The following SLC22A23 variants were observed in gnomAD, a reference collection of about 807,000 sequenced individuals.
The protein encoded by SLC22A23 is ion transporter protein.
SLC22A23 carries 26 observed loss-of-function variants against 61.0 expected under a neutral mutation model. The observed-to-expected ratio is 0.43, with a 90% CI of 0.31 to 0.59. SLC22A23 has a LOEUF of 0.59. SLC22A23 is among the 20% of genes least tolerant of loss of function. The probability of loss-of-function intolerance (pLI) is 0.11; values close to 1 mark genes in which losing one functional copy is unlikely to be tolerated. For missense variants in SLC22A23, 796 were observed against 934.7 expected (o/e 0.85, Z 1.94); for synonymous variants, 430 against 413.9 (o/e 1.04, Z -0.47).
At chr6:3,367,093 G>A (rs1765883928) in intron 3 of SLC22A23, among the ~76,000 whole-genome samples, 1 of 152,202 alleles carries the variant, frequency 6.6e-6, no homozygotes, top group African/African-American at 2.4e-5. Context: ...CTAAACATCT[G>A]CTAGCAAACC....
At chr6:3,280,718 G>C (rs1490900600) in intron 9 of SLC22A23, among the ~76,000 whole-genome samples, 19 of 151,888 alleles carry the variant, frequency 1.3e-4, no homozygotes, top group Non-Finnish European at 2.4e-4. Context: ...AGATCCTCTC[G>C]ATCTCCTGAC....
chr6:3,334,655 CA>C (rs1225058255), intron 3 of SLC22A23, among the ~76,000 whole-genome samples: 1 of 152,248 alleles, frequency 6.6e-6, no homozygotes, highest in Non-Finnish European at 1.5e-5. Context: ...TTGGCAGAGT[CA>C]AATGCTAGGC....
At chr6:3,323,771 G>A (rs946406285) in intron 4 of SLC22A23, 63 bp downstream of exon 4, 1 of 1,532,048 alleles carries the variant, frequency 6.5e-7, no homozygotes, top group Non-Finnish European at 8.8e-7. Flanking sequence ...CCTGCCCGGG[G>A]CCGGGCCTTC....
intron 1 of SLC22A23, among the ~76,000 whole-genome samples, chr6:3,429,861 C>T (rs1770744138): frequency 6.6e-6 from 1 of 152,046 alleles, no homozygotes; most frequent in African/African-American, 2.4e-5. Context: ...AATTCATAGA[C>T]ACAGAAAGTA....
chr6:3,379,933 C>T (rs1476814969), intron 3 of SLC22A23, among the ~76,000 whole-genome samples: 1 of 152,020 alleles, frequency 6.6e-6, no homozygotes, highest in African/African-American at 2.4e-5. Context: ...CAGTTTAAAT[C>T]TTTGGAGAGA....
In SLC22A23 at chr6:3,387,800, C is replaced by T. The variant is rs948838938; in HGVS notation, c.913+22388G>A. 2.0e-5 allele frequency among the ~76,000 whole-genome samples: 3 copies of T among 152,092 alleles called. No homozygotes were observed. The highest frequency in any genetic ancestry group is 6.5e-5 in the Admixed American group (1 of 15,270). ...ATGTATATTTCATTCAAAGAGTTAA[C>T]GAAACCCAAGAGTCGTGGGCTTCTC... is the stretch of plus-strand genomic sequence containing the variant. On this transcript the variant is annotated intron_variant, in intron 3 of 9. Coordinates refer to ENST00000406686, the MANE Select transcript of SLC22A23 (RefSeq NM_015482.2). This position sits in a 1 kb window ranked among gnomAD's most constrained non-coding sequence, Gnocchi z 5.0.
rs1159033721 is a variant in SLC22A23, at chr6:3,273,398, C to T, written c.1718G>A (p.Gly573Glu). The stretch of plus-strand genomic sequence containing the variant: ...GAAGCCCGCGCTGGCCAGCACCAGC[C>T]CCAGCCCGCCACACCTGCAGGGGGA... ...TPTVIRCGGL[G>E]LVLASAGFGM... The change falls in exon 10 of 10, where the codon GGG becomes GAG. Residue 573 changes from glycine (G) to glutamate (E), a missense_variant. Physicochemically the swap from Gly to Glu is moderately conservative, Grantham distance 98. Transcript: ENST00000406686. 6.2e-6 allele frequency: 10 copies of T among 1,612,180 alleles called. No homozygotes were observed. The highest frequency in any genetic ancestry group is 2.2e-5 in the East Asian group (1 of 44,890).
Position 3,328,723 on chromosome 6 carries a change from T to C in SLC22A23, c.914-4721A>G, listed in dbSNP as rs538323957. Among the ~76,000 whole-genome samples, 3 of 152,230 alleles carry C rather than the reference T, an allele frequency of 2.0e-5. No homozygotes were observed. Among genetic ancestry groups the C allele is most frequent in the Non-Finnish European group, 4.4e-5 (3 of 67,996 alleles). On this transcript the variant is annotated intron_variant, in intron 3 of 9. Coordinates refer to ENST00000406686, the MANE Select transcript of SLC22A23 (RefSeq NM_015482.2). This position sits in a 1 kb window ranked among gnomAD's most constrained non-coding sequence, Gnocchi z 5.0. ...CCCTCCCGCTGGCCCCTCATGGATG[T>C]CAGCCTGGCCACCCCTCACAGTCGT...
Position 3,450,584 on chromosome 6 carries a change from C to T in SLC22A23, c.654+5322G>A, listed in dbSNP as rs186027000. Reference sequence around the variant, plus strand: ...CCTCCCAAAGTGCTGGCATTACAGGCGTGAGCCACTGTGCCCGGCCGTCAG... The same window carrying T: ...CCTCCCAAAGTGCTGGCATTACAGGTGTGAGCCACTGTGCCCGGCCGTCAG... On this transcript the variant is annotated intron_variant, in intron 1 of 9. Coordinates refer to ENST00000406686, the MANE Select transcript of SLC22A23 (RefSeq NM_015482.2). Among the ~76,000 whole-genome samples, 442 of 152,324 alleles carry T rather than the reference C, an allele frequency of 2.9e-3. 1 individual carries two copies. Among genetic ancestry groups the T allele is most frequent in the African/African-American group, 0.01 (426 of 41,568 alleles).
chr6:3,323,068 C>T (rs1324740932), intron 4 of SLC22A23, among the ~76,000 whole-genome samples: 1 of 147,480 alleles, frequency 6.8e-6, no homozygotes, highest in Admixed American at 6.7e-5. Flanking sequence ...TTTTAAAAAA[C>T]CCAGTTGCCC....
At chr6:3,455,265 G>A (rs1561637273) in intron 1 of SLC22A23, among the ~76,000 whole-genome samples, 1 of 152,236 alleles carries the variant, frequency 6.6e-6, no homozygotes, top group South Asian at 2.1e-4. Flanking sequence ...CTGTGTAAGA[G>A]CGGTGACGGC....
At chr6:3,331,887 G>A (rs898041890) in intron 3 of SLC22A23, among the ~76,000 whole-genome samples, 1 of 152,216 alleles carries the variant, frequency 6.6e-6, no homozygotes, top group East Asian at 1.9e-4. Flanking sequence ...CTAACTGAAG[G>A]AGCAGAGACG....
chr6:3,298,255 G>C (rs373918337), intron 4 of SLC22A23, 37 bp from the exon 5 acceptor site: 1 of 1,569,988 alleles, frequency 6.4e-7, no homozygotes, highest in South Asian at 1.2e-5. Context: ...AATGTCTTCC[G>C]ATTCTGCACG....
intron 1 of SLC22A23, among the ~76,000 whole-genome samples, chr6:3,429,308 T>G (rs932643668): frequency 1.3e-5 from 2 of 152,222 alleles, no homozygotes; most frequent in Admixed American, 6.5e-5. Context: ...CAAGAGTTTA[T>G]AACTGCTAAT....
chr6:3,445,070 G>T, intron 1 of SLC22A23: 1 of 715,630 alleles, frequency 1.4e-6, no homozygotes, highest in Non-Finnish European at 1.7e-6. Flanking sequence ...TCCTCACAAT[G>T]GCCCTCAAGG....
At chr6:3,310,828 C>T (rs1385001474) in intron 4 of SLC22A23, among the ~76,000 whole-genome samples, 2 of 152,194 alleles carry the variant, frequency 1.3e-5, no homozygotes, top group Non-Finnish European at 2.9e-5. Context: ...ATGAGACGCA[C>T]GTCTACCCTC....
In SLC22A23 at chr6:3,380,348, A is replaced by C. The variant is rs2127473834; in HGVS notation, c.913+29840T>G. ...TAGTAGTATAAGGCTGAACTATTTC[A>C]AACCACAATAATAAGGAATTGGTAA... On this transcript the variant is annotated intron_variant, in intron 3 of 9. Transcript: ENST00000406686. Among the ~76,000 whole-genome samples, 2 of 152,362 alleles carry C rather than the reference A, an allele frequency of 1.3e-5. 1 individual carries two copies. Among genetic ancestry groups the C allele is most frequent in the South Asian group, 4.1e-4 (2 of 4,830 alleles).
At chr6:3,380,641 T>G (rs2127474168) in intron 3 of SLC22A23, among the ~76,000 whole-genome samples, 1 of 147,786 alleles carries the variant, frequency 6.8e-6, no homozygotes, top group South Asian at 2.1e-4. Flanking sequence ...TCACATTAAG[T>G]TATTAAAAAA....
At position 3,269,428 on chromosome 6, in the gene SLC22A23, G is replaced by C. The variant is rs1456924908; in HGVS notation, c.*3627C>G. 2.0e-5 allele frequency: 3 copies of C among 152,608 alleles called. No individual in the cohort carries two copies. Among genetic ancestry groups the C allele is most frequent in the African/African-American group, 7.2e-5 (3 of 41,470 alleles). 9.5% of individuals were successfully genotyped at this position (152,608 alleles called of 1,614,324 possible). A position where few individuals can be genotyped will look rare whatever the true frequency, so the allele number is the denominator to read the frequency against. On this transcript the variant is annotated 3_prime_UTR_variant, in exon 10 of 10. Transcript: ENST00000406686. ...AAATGCCCTTCGGTGGATACCATCA[G>C]GTGAGGTAGGGAAGACATTCCAGAG...
Sources: allele counts gnomAD v4.1 joint callset (sites outside exome capture counted in the v4.1 genomes callset), GRCh38; gene constraint gnomAD v4.1.1; non-coding constraint Gnocchi (gnomAD v3.1); transcripts MANE v1.5; gene names NCBI Gene and HGNC (gene_info 2026-07-23, HGNC 2026-07-21).